The following ELFN2 variants were observed in gnomAD, a reference collection of about 807,000 sequenced individuals.
The protein encoded by ELFN2 is extracellular leucine rich repeat and fibronectin type III domain containing 2.
ELFN2 carries 17 observed loss-of-function variants against 45.5 expected under a neutral mutation model. The ratio of observed to expected loss-of-function variants is 0.37; its 90% CI spans 0.26 to 0.56. The LOEUF (loss-of-function observed/expected upper bound fraction) is 0.56. ELFN2 is among the 20% of genes least tolerant of loss of function. The probability of loss-of-function intolerance (pLI) is 0.77; values close to 1 mark genes in which losing one functional copy is unlikely to be tolerated. For synonymous variants in ELFN2, 550 were observed against 551.5 expected, an observed-to-expected ratio of 1.00 and a Z score of 0.04; for missense variants, 922 against 1,183.2, an observed-to-expected ratio of 0.78 and a Z score of 3.24.
intron 1 of ELFN2, chr22:37,354,586 C>T (rs1930906099): frequency 6.6e-6 from 1 of 152,254 alleles, no homozygotes; most frequent in Admixed American, 6.5e-5. Flanking sequence ...CAACCCCAGA[C>T]ATTGCCAAAT....
chr22:37,379,246 G>A (rs1161283671), intron 2 of ELFN2, among the ~76,000 whole-genome samples: 7 of 152,192 alleles, frequency 4.6e-5, no homozygotes, highest in Admixed American at 2.0e-4. Flanking sequence ...CTTCCCTCCC[G>A]CAGCCCAGAG....
chr22:37,356,142 G>A (rs895456119), intron 1 of ELFN2, among the ~76,000 whole-genome samples: 2 of 152,164 alleles, frequency 1.3e-5, no homozygotes, highest in Non-Finnish European at 2.9e-5. Flanking sequence ...ACTGCAGAGG[G>A]CACTGCAGGA....
chr22:37,353,547 T>C (rs1197175199), intron 1 of ELFN2: 1 of 151,018 alleles, frequency 6.6e-6, no homozygotes, highest in African/African-American at 2.4e-5. Flanking sequence ...GCAACAGGAC[T>C]CTTAATTACA....
At chr22:37,352,845 T>C (rs1030578144) in intron 1 of ELFN2, among the ~76,000 whole-genome samples, 12 of 150,770 alleles carry the variant, frequency 8.0e-5, no homozygotes, top group African/African-American at 2.9e-4. Flanking sequence ...GTGGGAGAAA[T>C]GCACTCTGAT....
Position 37,374,148 on chromosome 22 carries a change from G to A in ELFN2, c.1387C>T (p.Pro463Ser). The A allele has an allele frequency of 6.2e-7, 1 of 1,613,094 alleles. No homozygotes were observed. Among genetic ancestry groups the A allele is most frequent in the Non-Finnish European group, 8.5e-7 (1 of 1,180,028 alleles). The change falls in exon 3 of 3, where the codon CCC becomes TCC. Residue 463 changes from proline to serine, a missense_variant. This residue lies in a region of ELFN2 where 564 missense variants were observed against 642.8 expected (regional missense o/e 0.88). Coordinates refer to ENST00000402918, the MANE Select transcript of ELFN2 (RefSeq NM_052906.5). ...VHAAQKLGEP[P>S]VLPVSRMASI... ...GCCATGCGAGATACGGGCAGCACGG[G>A]AGGCTCGCCCAGCTTCTGGGCGGCG...
chr22:37,382,562 T>A lies in ELFN2; in HGVS notation c.-462-6566A>T, dbSNP rs1433651401. Among the ~76,000 whole-genome samples, 384 of 123,730 alleles carry A rather than the reference T, an allele frequency of 3.1e-3. 3 individuals are homozygous for A. Among genetic ancestry groups the A allele is most frequent in the Non-Finnish European group, 5.0e-3 (310 of 61,426 alleles). The allele number at this position is 123,730 out of a possible 152,430, so 81.2% of individuals were successfully genotyped here. A position where few individuals can be genotyped will look rare whatever the true frequency, so the allele number is the denominator to read the frequency against. ...TGGCCTTTTTTTTTTTTTTTTTTTTTAAAAACAGACTCTAGCTAGCTCTGT... is the reference window on the plus strand; with the variant it reads ...TGGCCTTTTTTTTTTTTTTTTTTTTAAAAAACAGACTCTAGCTAGCTCTGT... On this transcript the variant is annotated intron_variant, in intron 2 of 2. Coordinates refer to ENST00000402918, the MANE Select transcript of ELFN2 (RefSeq NM_052906.5).
rs527531983 is a variant in ELFN2, at chr22:37,423,911, G to C, written c.-614+3387C>G. Among the ~76,000 whole-genome samples the C allele has an allele frequency of 3.9e-5, 6 of 152,282 alleles. No homozygotes were observed. In the East Asian group the frequency reaches 1.2e-3, roughly 29 times the overall value. ...TAATAATGTCAATGCCTCTGCCCCA[G>C]GTGGTAATTGAGCCAAGAGAAGGTT... On this transcript the variant is annotated intron_variant, in intron 1 of 2. Coordinates refer to ENST00000402918, the MANE Select transcript of ELFN2 (RefSeq NM_052906.5).
intron 2 of ELFN2, 82 bp from the exon 3 acceptor site, chr22:37,376,078 A>T (rs1931577737): frequency 6.5e-6 from 1 of 154,758 alleles, no homozygotes; most frequent in Admixed American, 6.5e-5. Context: ...CAGGCCCCCC[A>T]TCCCTTCTCC....
At position 37,381,826 on chromosome 22, in the gene ELFN2, G is replaced by A. The variant is rs540067183; in HGVS notation, c.-462-5830C>T. ...GGGGAGATCCTGGATCCCCTGACTC[G>A]GCTGAGTCAGTCCCAGCTACTCCGG... On this transcript the variant is annotated intron_variant, in intron 2 of 2. Coordinates refer to ENST00000402918, the MANE Select transcript of ELFN2 (RefSeq NM_052906.5). 1.1e-4 allele frequency among the ~76,000 whole-genome samples: 17 copies of A among 151,848 alleles called. No individual in the cohort carries two copies. The South Asian group carries it at 1.3e-3, about 11-fold the overall frequency.
In ELFN2 at chr22:37,373,303, C is replaced by A. The variant is rs761090800; in HGVS notation, c.2232G>T (p.Ser744=). The change falls in exon 3 of 3, where the codon TCG becomes TCT. Residue 744 remains serine, a synonymous_variant. Transcript: ENST00000402918. ...LTRSKRDSTY[S]QLSPRHYYSG... The stretch of plus-strand genomic sequence containing the variant: ...AGTAGTAGTGTCTGGGGGAGAGCTG[C>A]GAGTAGGTGGAGTCACGCTTGGAGC... 9.3e-6 allele frequency: 15 copies of A among 1,613,626 alleles called. No individual in the cohort carries two copies. The highest frequency in any genetic ancestry group is 1.3e-5 in the Non-Finnish European group (15 of 1,179,942).
At chr22:37,402,392 C>T (rs1210922610) in intron 2 of ELFN2, among the ~76,000 whole-genome samples, 2 of 152,142 alleles carry the variant, frequency 1.3e-5, no homozygotes, top group African/African-American at 4.8e-5. Flanking sequence ...TGCCACAGGC[C>T]CACCACACCC....
chr22:37,373,395 C>G lies in ELFN2; in HGVS notation c.2140G>C (p.Ala714Pro). The stretch of plus-strand genomic sequence containing the variant: ...TCGGCACCCTCCTCGTAGTACAGGG[C>G]GGGAAAGCTGTGCCGGTGCTCGCTG... ...HCSEHRHSFP[A>P]LYYEEGADSL... The change falls in exon 3 of 3, where the codon GCC becomes CCC. Residue 714 changes from alanine to proline, a missense_variant. Ala to Pro is a conservative substitution (Grantham distance 27). This residue lies in a region of ELFN2 where 564 missense variants were observed against 642.8 expected (regional missense o/e 0.88). Transcript: ENST00000402918. 1.9e-6 allele frequency: 3 copies of G among 1,605,432 alleles called. No homozygotes were observed. Among genetic ancestry groups the G allele is most frequent in the Non-Finnish European group, 2.5e-6 (3 of 1,176,784 alleles).
At chr22:37,387,094 C>T (rs1279898232) in intron 2 of ELFN2, among the ~76,000 whole-genome samples, 1 of 152,194 alleles carries the variant, frequency 6.6e-6, no homozygotes, top group Non-Finnish European at 1.5e-5. Flanking sequence ...ACCTCATTAC[C>T]CACCGCAACC....
downstream of ELFN2, among the ~76,000 whole-genome samples, chr22:37,366,962 G>C (rs889842296): frequency 3.3e-5 from 5 of 152,208 alleles, no homozygotes; most frequent in African/African-American, 7.2e-5. Context: ...AGGCAGGCAG[G>C]GGGGCAGGAA....
intron 1 of ELFN2, among the ~76,000 whole-genome samples, chr22:37,343,252 C>A (rs1268371170): frequency 2.0e-5 from 3 of 152,112 alleles, no homozygotes; most frequent in African/African-American, 7.2e-5. Context: ...CAGGTGGGGG[C>A]CCCAGCTGCA....
At chr22:37,412,643 G>A (rs1932676546) in intron 2 of ELFN2, among the ~76,000 whole-genome samples, 1 of 152,190 alleles carries the variant, frequency 6.6e-6, no homozygotes, top group Non-Finnish European at 1.5e-5. Context: ...CCTCTGTTGG[G>A]CACCACAGAC....
At chr22:37,402,057 T>C (rs1393296966) in intron 2 of ELFN2, among the ~76,000 whole-genome samples, 2 of 152,172 alleles carry the variant, frequency 1.3e-5, no homozygotes, top group Non-Finnish European at 2.9e-5. Context: ...GGCTCCTGAC[T>C]TAACCTCTCT....
At chr22:37,361,530 G>C (rs1931086815) in intron 1 of ELFN2, among the ~76,000 whole-genome samples, 1 of 151,990 alleles carries the variant, frequency 6.6e-6, no homozygotes, top group African/African-American at 2.4e-5. Context: ...CTCCTGCCCA[G>C]ACACAAAACA....
At chr22:37,386,006 C>A (rs866444798) in intron 2 of ELFN2, among the ~76,000 whole-genome samples, 1 of 152,150 alleles carries the variant, frequency 6.6e-6, no homozygotes, top group African/African-American at 2.4e-5. Context: ...TGGCTCCATG[C>A]GGCCCCACTG....
Sources: allele counts gnomAD v4.1 joint callset (sites outside exome capture counted in the v4.1 genomes callset), GRCh38; gene constraint gnomAD v4.1.1; regional missense constraint gnomAD v4.1.1; transcripts MANE v1.5; gene names NCBI Gene and HGNC (gene_info 2026-07-23, HGNC 2026-07-21).